The following EVPL variants were observed in gnomAD, a reference collection of about 807,000 sequenced individuals.
The protein encoded by EVPL is envoplakin.
Under a neutral mutation model 129.7 loss-of-function variants are expected in EVPL, and 94 were observed. The ratio of observed to expected loss-of-function variants is 0.72; its 90% CI spans 0.61 to 0.86. The LOEUF (loss-of-function observed/expected upper bound fraction) is 0.86, where lower values mean the gene tolerates loss of function less well. Ranked by LOEUF, EVPL falls within the 40% of genes least tolerant of loss-of-function variation. The pLI is 0.00. For synonymous variants in EVPL, 1,172 were observed against 1,191.1 expected, an observed-to-expected ratio of 0.98 and a Z score of 0.33; for missense variants, 2,625 against 2,721.1, an observed-to-expected ratio of 0.96 and a Z score of 0.79.
intron 4 of EVPL, 40 bp downstream of exon 4, chr17:76,023,252 G>T: frequency 6.2e-7 from 1 of 1,610,964 alleles, no homozygotes. Context: ...GTTCCGTATC[G>T]CCCTCTGATC....
Position 76,015,075 on chromosome 17 carries a change from C to T in EVPL, c.2063G>A (p.Cys688Tyr). 6.3e-7 allele frequency: 1 copy of T among 1,580,484 alleles called. No homozygotes were observed. The highest frequency in any genetic ancestry group is 8.6e-7 in the Non-Finnish European group (1 of 1,165,248). Residue 688 changes from cysteine to tyrosine, a missense_variant, in exon 17 of 22, where the codon TGC (cysteine) becomes TAC (tyrosine). Physicochemically the swap from Cys to Tyr is radical, Grantham distance 194. Coordinates refer to ENST00000301607, the MANE Select transcript of EVPL (RefSeq NM_001988.4). Reference protein sequence around the residue: ...QRRELLEQQTCVLRLHRALKA... With the variant: ...QRRELLEQQTYVLRLHRALKA... Reference sequence around the variant, plus strand: ...CAGCGCGCGGTGTAGCCGCAGCACGCAGGTCTGCTGTTCCAGCAGCTCCCT... The same window carrying T: ...CAGCGCGCGGTGTAGCCGCAGCACGTAGGTCTGCTGTTCCAGCAGCTCCCT...
chr17:76,008,518 G>C lies in EVPL; in HGVS notation c.4687C>G (p.Arg1563Gly), dbSNP rs1329964488. Reference sequence around the variant, plus strand: ...CCCAGCGTCTCGGCCCGGTCAATGCGCTCCCGCAGGCGCCGTGCCTCCTCC... The same window carrying C: ...CCCAGCGTCTCGGCCCGGTCAATGCCCTCCCGCAGGCGCCGTGCCTCCTCC... Reference protein sequence around the residue: ...REEEARRLRERIDRAETLGRT... With the variant: ...REEEARRLREGIDRAETLGRT... Residue 1563 changes from arginine to glycine, a missense_variant, in exon 22 of 22, where the codon CGC (arginine) becomes GGC (glycine). By Grantham distance (125) the Arg-to-Gly change is moderately radical. Transcript: ENST00000301607. This position sits in a 1 kb window ranked among gnomAD's most constrained non-coding sequence, Gnocchi z 7.4. 1 of 1,605,478 alleles carries C rather than the reference G, an allele frequency of 6.2e-7. No individual in the cohort carries two copies. The highest frequency in any genetic ancestry group is 8.5e-7 in the Non-Finnish European group (1 of 1,179,160).
chr17:76,015,995 T>G (rs1187007696), intron 14 of EVPL, among the ~76,000 whole-genome samples: 9 of 151,954 alleles, frequency 5.9e-5, no homozygotes, highest in African/African-American at 1.7e-4. Context: ...AATACAAAAA[T>G]TAGCCGGCCG....
At position 76,015,220 on chromosome 17, in the gene EVPL, C is replaced by T; in HGVS notation, c.2028+7G>A. On this transcript the variant is annotated splice_region_variant and intron_variant, in intron 16 of 21. Transcript: ENST00000301607. ...CTGACACCAGGAGGCCCCGGCTGGT[C>T]CCTTACCTGCAGCTCGCTGACCCTC... is the stretch of plus-strand genomic sequence containing the variant. 1 of 1,584,578 alleles carries T rather than the reference C, an allele frequency of 6.3e-7. No homozygotes were observed.
chr17:76,009,286 T>C lies in EVPL; in HGVS notation c.3919A>G (p.Lys1307Glu), dbSNP rs376084136. ...TTGCTCACCGTCTTGGTCTCCACCT[T>C]GGCCCGCTCGCGCCTCCACTCGTCG... Reference protein sequence around the residue: ...ERDEWRRERAKVETKTVSKEV... With the variant: ...ERDEWRRERAEVETKTVSKEV... Residue 1307 changes from lysine to glutamate, a missense_variant, in exon 22 of 22, where the codon AAG (lysine) becomes GAG (glutamate). Lys to Glu is a moderately conservative substitution (Grantham distance 56). Transcript: ENST00000301607. This position sits in a 1 kb window ranked among gnomAD's most constrained non-coding sequence, Gnocchi z 5.9. The C allele has an allele frequency of 1.1e-5, 17 of 1,608,082 alleles. No homozygotes were observed. In the African/African-American group the frequency reaches 2.0e-4, roughly 19 times the overall value.
In EVPL at chr17:76,017,883, T is replaced by C; in HGVS notation, c.1566A>G (p.Pro522=). ...QAPSGSDLAN[P]QAQKLLTQMT... is the part of the protein sequence containing the mutation. ...TCTGTGTCAGGAGCTTCTGGGCCTG[T>C]GGGTTGGCCAGGTCTGAGCCAGATG... The change falls in exon 14 of 22, where the codon CCA becomes CCG. Residue 522 remains proline (P), a synonymous_variant. Coordinates refer to ENST00000301607, the MANE Select transcript of EVPL (RefSeq NM_001988.4). 1 of 1,614,062 alleles carries C rather than the reference T, an allele frequency of 6.2e-7. No individual in the cohort carries two copies. Among genetic ancestry groups the C allele is most frequent in the South Asian group, 1.1e-5 (1 of 91,080 alleles).
chr17:76,009,409 C>G lies in EVPL; in HGVS notation c.3796G>C (p.Val1266Leu). 2.5e-6 allele frequency: 4 copies of G among 1,614,062 alleles called. No homozygotes were observed. The highest frequency in any genetic ancestry group is 3.4e-6 in the Non-Finnish European group (4 of 1,180,000). ...EVVRHERSPE[V>L]LREIDRLKAQ... ...TTCAGGCGGTCGATCTCACGCAGCACCTCGGGGCTCCTCTCATGCCTCACC... is the reference window on the plus strand; with the variant it reads ...TTCAGGCGGTCGATCTCACGCAGCAGCTCGGGGCTCCTCTCATGCCTCACC... Residue 1266 changes from valine (V) to leucine (L), a missense_variant, in exon 22 of 22, where the codon GTG (valine) becomes CTG (leucine). Val to Leu is a conservative substitution (Grantham distance 32). Transcript: ENST00000301607. This position sits in a 1 kb window ranked among gnomAD's most constrained non-coding sequence, Gnocchi z 5.9.
In EVPL at chr17:76,024,909, G is replaced by A. The variant is rs1217271944; in HGVS notation, c.99-789C>T. Among the ~76,000 whole-genome samples, 5 of 152,172 alleles carry A rather than the reference G, an allele frequency of 3.3e-5. No individual in the cohort carries two copies. The highest frequency in any genetic ancestry group is 1.3e-4 in the Admixed American group (2 of 15,278). On this transcript the variant is annotated intron_variant, in intron 1 of 21. Transcript: ENST00000301607. This position sits in a 1 kb window ranked among gnomAD's most constrained non-coding sequence, Gnocchi z 4.5. Reference sequence around the variant, plus strand: ...CACAAGGTCAAGCAGACCTAAAAGAGGGCAGATTGGTCCAAGCCTTATGAG... The same window carrying A: ...CACAAGGTCAAGCAGACCTAAAAGAAGGCAGATTGGTCCAAGCCTTATGAG...
In EVPL at chr17:76,007,173, A is replaced by G; in HGVS notation, c.6032T>C (p.Leu2011Pro). 1 of 1,513,878 alleles carries G rather than the reference A, an allele frequency of 6.6e-7. No individual in the cohort carries two copies. Among genetic ancestry groups the G allele is most frequent in the Non-Finnish European group, 8.9e-7 (1 of 1,129,352 alleles). 93.8% of individuals were successfully genotyped at this position (1,513,878 alleles called of 1,614,324 possible). ...RKDPLSGLLL[L>P]PAALEGYRCY... The stretch of plus-strand genomic sequence containing the variant: ...GCGGTACCCCTCCAGTGCCGCTGGC[A>G]GGAGCAGCAGGCCGCTCAGGGGGTC... The change falls in exon 22 of 22, where the codon CTG (leucine) becomes CCG (proline). Residue 2011 changes from leucine (L) to proline (P), a missense_variant. Physicochemically the swap from Leu to Pro is moderately conservative, Grantham distance 98. This residue lies in a region of EVPL where 1,453 missense variants were observed against 1,511.8 expected (regional missense o/e 0.96). Transcript: ENST00000301607. This position sits in a 1 kb window ranked among gnomAD's most constrained non-coding sequence, Gnocchi z 8.8.
In EVPL at chr17:76,009,164, C is replaced by G. The variant is rs1245902672; in HGVS notation, c.4041G>C (p.Ala1347=). 2 of 1,607,790 alleles carry G rather than the reference C, an allele frequency of 1.2e-6. No individual in the cohort carries two copies. The highest frequency in any genetic ancestry group is 2.7e-5 in the African/African-American group (2 of 74,916). ...VREAAQKRRA[A]EDAVYELQSK... ...TCTGCAGCTCGTACACCGCGTCCTCCGCGGCCCGCCTCTTCTGGGCCGCCT... is the reference window on the plus strand; with the variant it reads ...TCTGCAGCTCGTACACCGCGTCCTCGGCGGCCCGCCTCTTCTGGGCCGCCT... Residue 1347 remains alanine, a synonymous_variant, in exon 22 of 22, where the codon GCG becomes GCC. Transcript: ENST00000301607. This position sits in a 1 kb window ranked among gnomAD's most constrained non-coding sequence, Gnocchi z 5.9.
In EVPL at chr17:76,007,348, T is replaced by A. The variant is rs1304348732; in HGVS notation, c.5857A>T (p.Ile1953Phe). Residue 1953 changes from isoleucine (I) to phenylalanine (F), a missense_variant, in exon 22 of 22, where the codon ATC becomes TTC. Transcript: ENST00000301607. This position sits in a 1 kb window ranked among gnomAD's most constrained non-coding sequence, Gnocchi z 8.8. ...GAGAGGAGGGCCTGCTGGATGGGGATGCGGCCTGTCCTCTTGGGGTCGATG... is the reference window on the plus strand; with the variant it reads ...GAGAGGAGGGCCTGCTGGATGGGGAAGCGGCCTGTCCTCTTGGGGTCGATG... The part of the protein sequence containing the change: ...GLIDPKRTGR[I>F]PIQQALLSGM... 6.3e-7 allele frequency: 1 copy of A among 1,579,320 alleles called. No homozygotes were observed. The highest frequency in any genetic ancestry group is 8.6e-7 in the Non-Finnish European group (1 of 1,158,460).
chr17:76,009,074 G>A lies in EVPL; in HGVS notation c.4131C>T (p.Val1377=), dbSNP rs1046173277. 6.2e-6 allele frequency: 10 copies of A among 1,613,562 alleles called. No individual in the cohort carries two copies. In the Admixed American group the frequency reaches 8.3e-5, roughly 13 times the overall value. The change falls in exon 22 of 22, where the codon GTC becomes GTT. Residue 1377 remains valine (V), a synonymous_variant. Transcript: ENST00000301607. The surrounding 1 kb of genome is among the most constrained non-coding windows in gnomAD (Gnocchi z 5.9). ...CGCGCAGCTTCGGGTCCTTCTGGGT[G>A]ACCACCACCTCCTGCACCACCACCT... ...EEKVVVQEVV[V]TQKDPKLREE...
intron 8 of EVPL, 39 bp from the exon 9 acceptor site, chr17:76,021,602 C>CCT: frequency 1.4e-6 from 2 of 1,446,252 alleles, no homozygotes; most frequent in Non-Finnish European, 1.8e-6. Context: ...CCACGCCCCC[C>CCT]CCACGTCCGC....
chr17:76,015,203 A>G, intron 16 of EVPL, 24 bp downstream of exon 16: 1 of 1,568,938 alleles, frequency 6.4e-7, no homozygotes. Flanking sequence ...CCCTGACACC[A>G]GGAGGCCCCG....
Position 76,011,602 on chromosome 17 carries a change from C to G in EVPL, c.2635G>C (p.Glu879Gln), listed in dbSNP as rs149647483. 320 of 1,614,108 alleles carry G rather than the reference C, an allele frequency of 2.0e-4. No homozygotes were observed. The African/African-American group carries it at 3.5e-3, about 18-fold the overall frequency. Residue 879 changes from glutamate (E) to glutamine (Q), a missense_variant, in exon 21 of 22, where the codon GAG (glutamate) becomes CAG (glutamine). Coordinates refer to ENST00000301607, the MANE Select transcript of EVPL (RefSeq NM_001988.4). The part of the protein sequence containing the change: ...AAQQQLLQQL[E>Q]FARKMLEKKE... The stretch of plus-strand genomic sequence containing the variant: ...TTCTCCAGCATTTTTCTAGCAAACT[C>G]CAGCTGCTGGAGCAGCTGCTGCTGT...
Position 76,016,940 on chromosome 17 carries a change from C to T in EVPL, c.1710+799G>A, listed in dbSNP as rs144801386. On this transcript the variant is annotated intron_variant, in intron 14 of 21. Coordinates refer to ENST00000301607, the MANE Select transcript of EVPL (RefSeq NM_001988.4). ...CATAAAACAAAAAACAGACCAGGTG[C>T]GGTGGCTCACGCCTGTAATCCCAGC... Among the ~76,000 whole-genome samples, 130 of 149,676 alleles carry T rather than the reference C, an allele frequency of 8.7e-4. 2 individuals are homozygous for T. Among genetic ancestry groups the T allele is most frequent in the African/African-American group, 2.9e-3 (118 of 40,576 alleles).
Position 76,012,959 on chromosome 17 carries a change from T to C in EVPL, c.2374-870A>G, listed in dbSNP as rs532867554. Among the ~76,000 whole-genome samples, 20 of 151,934 alleles carry C rather than the reference T, an allele frequency of 1.3e-4. 1 individual carries two copies. The South Asian group carries it at 1.5e-3, about 11-fold the overall frequency. On this transcript the variant is annotated intron_variant, in intron 18 of 21. Transcript: ENST00000301607. ...TGGGGTTTCACCGTGTTAGCCAGGA[T>C]GGTCTCGATCTCCTGACCTTGTGAT... is the stretch of plus-strand genomic sequence containing the variant.
In EVPL at chr17:76,015,419, T is replaced by C. The variant is rs749514006; in HGVS notation, c.1889+31A>G. ...CTCCCTGGGCCACACGCTGCTGCCCTGCGTGGCTGCCCTGTCCCCAGAGCA... is the reference window on the plus strand; with the variant it reads ...CTCCCTGGGCCACACGCTGCTGCCCCGCGTGGCTGCCCTGTCCCCAGAGCA... On this transcript the variant is annotated intron_variant, in intron 15 of 21. Coordinates refer to ENST00000301607, the MANE Select transcript of EVPL (RefSeq NM_001988.4). 5.0e-6 allele frequency: 8 copies of C among 1,606,096 alleles called. No individual in the cohort carries two copies. In the Admixed American group the frequency reaches 1.3e-4, roughly 27 times the overall value.
chr17:76,023,467 A>C (rs761991963), intron 3 of EVPL, 33 bp downstream of exon 3: 6 of 1,611,742 alleles, frequency 3.7e-6, no homozygotes, highest in African/African-American at 2.7e-5. Flanking sequence ...GGTCTTCCCC[A>C]GGGACCCCCA....
Sources: gnomAD v4.1 joint callset for allele counts (sites outside exome capture counted in the v4.1 genomes callset) on GRCh38, gnomAD v4.1.1 for gene constraint, gnomAD v4.1.1 regional missense constraint, Gnocchi (gnomAD v3.1) non-coding constraint, MANE v1.5 for transcripts, NCBI Gene and HGNC (gene_info 2026-07-23, HGNC 2026-07-21) for gene names.